MAN2B2: variants seen among roughly 807,000 people sequenced by gnomAD.
The protein encoded by MAN2B2 is epididymis-specific alpha-mannosidase.
MAN2B2 carries 106 observed loss-of-function variants against 117.1 expected under a neutral mutation model. The observed-to-expected ratio is 0.90, with a 90% CI of 0.77 to 1.06. The LOEUF (loss-of-function observed/expected upper bound fraction) is 1.06, where lower values mean the gene tolerates loss of function less well. MAN2B2 is among the 50% of genes least tolerant of loss of function. The pLI is 0.00. For missense variants in MAN2B2, 1,326 were observed against 1,381.4 expected, an observed-to-expected ratio of 0.96 and a Z score of 0.64; for synonymous variants, 544 against 595.1, an observed-to-expected ratio of 0.91 and a Z score of 1.25.
rs1195812413 is a variant in MAN2B2 at position 6,617,408 on chromosome 4, C to A, written c.2730C>A (p.Leu910=). 1.2e-6 allele frequency: 2 copies of A among 1,614,152 alleles called. No homozygotes were observed. The highest frequency in any genetic ancestry group is 1.7e-6 in the Non-Finnish European group (2 of 1,180,010). Residue 910 remains leucine (L), a synonymous_variant, in exon 17 of 19, where the codon CTC becomes CTA. Transcript: ENST00000285599. The stretch of plus-strand genomic sequence containing the variant: ...ATCGAGGGGAAGCCCAGGCTGACCT[C>A]CGCCGTGTCCTGCTGCGGCTCTACC... ...KGHRGEAQAD[L]RRVLLRLYHL...
At chr4:6,579,111 T>TCACCACCACCACCACCATCAC (rs1560634427) in intron 3 of MAN2B2, among the ~76,000 whole-genome samples, 1 of 25,212 alleles carries the variant, frequency 4.0e-5, no homozygotes, top group Non-Finnish European at 8.2e-5. Context: ...ACCACCACCA[T>TCACCACCACCACCACCATCAC]CACCATCACC....
chr4:6,581,004 C>T (rs1328075791), intron 3 of MAN2B2, among the ~76,000 whole-genome samples: 2 of 152,166 alleles, frequency 1.3e-5, no homozygotes, highest in African/African-American at 4.8e-5. Context: ...TGTCCAAGCT[C>T]ATGGGGCCCT....
At chr4:6,593,118 C>A in intron 5 of MAN2B2, 55 bp from the exon 6 acceptor site, 5 of 1,569,978 alleles carry the variant, frequency 3.2e-6, no homozygotes, top group Non-Finnish European at 4.3e-6. Flanking sequence ...TGGGTGTGAG[C>A]CCTGGCTGTC....
intron 3 of MAN2B2, among the ~76,000 whole-genome samples, chr4:6,584,327 G>A (rs1314079872): frequency 3.3e-5 from 5 of 152,192 alleles, no homozygotes; most frequent in South Asian, 2.1e-4. Context: ...TTGTGGTCAC[G>A]ATATGGCTGC....
At chr4:6,579,081 C>CCAT (rs1726210864) in intron 3 of MAN2B2, among the ~76,000 whole-genome samples, 1 of 71,624 alleles carries the variant, frequency 1.4e-5, no homozygotes, top group Non-Finnish European at 2.7e-5. Flanking sequence ...ACCACCACCA[C>CCAT]CACCATCACC....
In MAN2B2 at chr4:6,600,700, G is replaced by A. The variant is rs375460580; in HGVS notation, c.1483G>A (p.Val495Ile). ...GGTCACCACCATCGTCACCCTGACT[G>A]TTGGTTTCCCTGGAGTCCGCGTCAC... ...WTVTTIVTLT[V>I]GFPGVRVTDE... Residue 495 changes from valine to isoleucine, a missense_variant, in exon 10 of 19, where the codon GTT becomes ATT. Physicochemically the swap from Val to Ile is conservative, Grantham distance 29. Coordinates refer to ENST00000285599, the MANE Select transcript of MAN2B2 (RefSeq NM_015274.3). The A allele has an allele frequency of 6.2e-7, 1 of 1,614,046 alleles. No individual in the cohort carries two copies. The highest frequency in any genetic ancestry group is 1.7e-4 in the Middle Eastern group (1 of 6,054).
chr4:6,595,107 G>A (rs1445840321), intron 7 of MAN2B2, among the ~76,000 whole-genome samples: 1 of 152,144 alleles, frequency 6.6e-6, no homozygotes, highest in Non-Finnish European at 1.5e-5. Context: ...AGGCTGACTC[G>A]GGCTTCCTTT....
chr4:6,578,007 C>T (rs925676283), intron 2 of MAN2B2, among the ~76,000 whole-genome samples: 6 of 152,112 alleles, frequency 3.9e-5, no homozygotes, highest in African/African-American at 1.2e-4. Context: ...GTGTCTAGGG[C>T]AACAAAGGTG....
At chr4:6,615,208 C>T (rs10050103) in intron 16 of MAN2B2, among the ~76,000 whole-genome samples, 118,936 of 151,966 alleles carry the variant, frequency 0.78, 46,937 homozygotes, top group Middle Eastern at 0.89. Context: ...CCAGCCTGGG[C>T]AGCATAGGAA....
chr4:6,593,184 A>G lies in MAN2B2; in HGVS notation c.692A>G (p.Tyr231Cys). The G allele has an allele frequency of 6.2e-7, 1 of 1,613,682 alleles. No homozygotes were observed. Residue 231 changes from tyrosine to cysteine, a missense_variant, in exon 6 of 19, where the codon TAC becomes TGC. Coordinates refer to ENST00000285599, the MANE Select transcript of MAN2B2 (RefSeq NM_015274.3). ...HIPFSNRSGF[Y>C]WNGVAVFPKP... The stretch of plus-strand genomic sequence containing the variant: ...CTGCCCTCGCACAGGTCAGGATTTT[A>G]CTGGAATGGCGTGGCTGTCTTCCCC...
At chr4:6,608,899 G>A (rs537793196) in intron 11 of MAN2B2, among the ~76,000 whole-genome samples, 6 of 152,276 alleles carry the variant, frequency 3.9e-5, no homozygotes, top group East Asian at 3.9e-4. Flanking sequence ...CCGTCTCCTC[G>A]TTTGTGACCC....
rs112160811 is a variant in MAN2B2 at position 6,619,697 on chromosome 4, A to G, written c.2815-230A>G. ...TGCTCCTCCAGCTCGGCCACCTGGTAAAGCATGCACCTCCCGCTTCAGTGT... is the reference window on the plus strand; with the variant it reads ...TGCTCCTCCAGCTCGGCCACCTGGTGAAGCATGCACCTCCCGCTTCAGTGT... On this transcript the variant is annotated intron_variant, in intron 17 of 18. Transcript: ENST00000285599. The G allele has an allele frequency of 1.4e-4, 63 of 452,986 alleles. No individual in the cohort carries two copies. In the Middle Eastern group the frequency reaches 1.7e-3, roughly 12 times the overall value. 28.1% of individuals were successfully genotyped at this position (452,986 alleles called of 1,614,324 possible).
chr4:6,613,406 C>G (rs1354275025), intron 15 of MAN2B2, among the ~76,000 whole-genome samples: 6 of 152,126 alleles, frequency 3.9e-5, no homozygotes, highest in Middle Eastern at 3.4e-3. Context: ...CTGTGAGACC[C>G]TGTCTCTACA....
chr4:6,611,376 C>A, intron 15 of MAN2B2, 98 bp downstream of exon 15: 1 of 1,328,660 alleles, frequency 7.5e-7, no homozygotes, highest in South Asian at 1.5e-5. Flanking sequence ...TGACTCTGGG[C>A]AGCTTTTGGG....
intron 1 of MAN2B2, among the ~76,000 whole-genome samples, chr4:6,575,952 G>A (rs1265155506): frequency 6.6e-6 from 1 of 152,158 alleles, no homozygotes; most frequent in African/African-American, 2.4e-5. Context: ...AAGGTCGCTC[G>A]GGAATAACCC....
intron 5 of MAN2B2, among the ~76,000 whole-genome samples, chr4:6,589,574 C>A (rs1440725864): frequency 1.3e-5 from 2 of 152,260 alleles, no homozygotes; most frequent in East Asian, 3.9e-4. Context: ...GCTCCTTAAG[C>A]ACATGGTGTC....
In MAN2B2 at chr4:6,620,738, T is replaced by C. The variant is rs536104683; in HGVS notation, c.2933-450T>C. The C allele has an allele frequency of 3.1e-4, 51 of 163,454 alleles. 1 individual carries two copies. Among genetic ancestry groups the C allele is most frequent in the Admixed American group, 2.9e-3 (47 of 16,130 alleles). 10.1% of individuals were successfully genotyped at this position (163,454 alleles called of 1,614,324 possible). A position where few individuals can be genotyped will look rare whatever the true frequency, so the allele number is the denominator to read the frequency against. On this transcript the variant is annotated intron_variant, in intron 18 of 18. Coordinates refer to ENST00000285599, the MANE Select transcript of MAN2B2 (RefSeq NM_015274.3). ...GAAAGAAGGAAGGAAGATGGATGAG[T>C]GATAGATAAGTGGACGGCTCCCTCC...
At chr4:6,613,702 AAGTG>A (rs1469150849) in intron 15 of MAN2B2, among the ~76,000 whole-genome samples, 2 of 116,100 alleles carry the variant, frequency 1.7e-5, no homozygotes, top group Non-Finnish European at 3.5e-5. Context: ...GGAAGGAAGG[AAGTG>A]AGGGAGGGAG....
intron 18 of MAN2B2, chr4:6,620,833 T>G (rs1577300369): frequency 4.6e-6 from 1 of 216,274 alleles, no homozygotes; most frequent in African/African-American, 2.3e-5. Flanking sequence ...ACTCACCAGA[T>G]GGTCTCAGAA....
Sources: gnomAD v4.1 joint callset for allele counts (sites outside exome capture counted in the v4.1 genomes callset) on GRCh38, gnomAD v4.1.1 for gene constraint, MANE v1.5 for transcripts, NCBI Gene and HGNC (gene_info 2026-07-23, HGNC 2026-07-21) for gene names.